Variants in ASAP1 observed in about 807,000 individuals in gnomAD.
ASAP1 encodes the protein ArfGAP with SH3 domain, ankyrin repeat and PH domain 1.
A neutral mutation model predicts 145.2 loss-of-function variants in ASAP1; 43 were observed. The observed-to-expected ratio is 0.30, with a 90% CI of 0.23 to 0.38. ASAP1 has a LOEUF of 0.38. Among genes scored for constraint, ASAP1 ranks in the 10% least tolerant of loss-of-function variants. The pLI is 1.00. For missense variants in ASAP1, 1,018 were observed against 1,355.3 expected, an observed-to-expected ratio of 0.75 and a Z score of 3.91; for synonymous variants, 546 against 515.5, an observed-to-expected ratio of 1.06 and a Z score of -0.80.
intron 5 of ASAP1, among the ~76,000 whole-genome samples, chr8:130,192,175 T>C (rs1163605648): frequency 6.6e-6 from 1 of 152,060 alleles, no homozygotes; most frequent in African/African-American, 2.4e-5. Context: ...AGAGTCTACA[T>C]TCTGTGAGGC....
At chr8:130,271,432 T>C (rs72724421) in intron 3 of ASAP1, among the ~76,000 whole-genome samples, 5,290 of 152,322 alleles carry the variant, frequency 0.035, 125 homozygotes, top group Middle Eastern at 0.065. Context: ...TATATACCTT[T>C]TACATAGTTT....
intron 11 of ASAP1, among the ~76,000 whole-genome samples, chr8:130,165,546 C>T (rs913246039): frequency 1.3e-5 from 2 of 152,212 alleles, no homozygotes; most frequent in African/African-American, 2.4e-5. Flanking sequence ...CTGAAGTCTA[C>T]TGGGGGTCTA....
chr8:130,356,643 A>G (rs1826327157), intron 3 of ASAP1, among the ~76,000 whole-genome samples: 1 of 152,170 alleles, frequency 6.6e-6, no homozygotes, highest in South Asian at 2.1e-4. Context: ...CCATCACCCA[A>G]TACTGACTCC....
rs577779690 is a variant in ASAP1 at position 130,248,547 on chromosome 8, C to T, written c.187-11553G>A. Among the ~76,000 whole-genome samples the T allele has an allele frequency of 5.4e-4, 82 of 152,112 alleles. 2 individuals carry two copies. In the South Asian group the frequency reaches 0.017, roughly 31 times the overall value. ...GGAGACTGGATTGTATTCTGGAGGC[C>T]GTAGTTTGGCCAAGATGGAGCCTCT... On this transcript the variant is annotated intron_variant, in intron 3 of 29. Transcript: ENST00000518721.
chr8:130,139,246 T>A (rs76531876), intron 13 of ASAP1, among the ~76,000 whole-genome samples: 12,427 of 152,166 alleles, frequency 0.082, 539 homozygotes, highest in African/African-American at 0.092. Flanking sequence ...TCTTCAAGTA[T>A]ATGAAGGTTG....
chr8:130,093,844 C>T (rs1043499242), intron 24 of ASAP1, among the ~76,000 whole-genome samples: 4 of 151,856 alleles, frequency 2.6e-5, no homozygotes, highest in Admixed American at 6.6e-5. Flanking sequence ...GTAAGCTTTC[C>T]TATTTCCCAT....
intron 14 of ASAP1, among the ~76,000 whole-genome samples, chr8:130,135,051 A>G (rs1022952352): frequency 1.3e-5 from 2 of 152,162 alleles, no homozygotes; most frequent in Non-Finnish European, 2.9e-5. Context: ...TAACTTGGAT[A>G]CTTTGGGCTG....
At chr8:130,281,197 TA>T (rs1478226132) in intron 3 of ASAP1, among the ~76,000 whole-genome samples, 1 of 152,164 alleles carries the variant, frequency 6.6e-6, no homozygotes, top group East Asian at 1.9e-4. Context: ...AAATGATATG[TA>T]CCCCCTCACA....
At chr8:130,322,072 A>G (rs1824040640) in intron 3 of ASAP1, among the ~76,000 whole-genome samples, 1 of 152,254 alleles carries the variant, frequency 6.6e-6, no homozygotes, top group African/African-American at 2.4e-5. Context: ...CTGTGCTGCC[A>G]CGGTTCTTCA....
intron 27 of ASAP1, among the ~76,000 whole-genome samples, chr8:130,065,007 T>C (rs541465644): frequency 6.6e-6 from 1 of 151,950 alleles, no homozygotes; most frequent in East Asian, 1.9e-4. Context: ...CCCAAGCAGC[T>C]AGGACTACAG....
intron 2 of ASAP1, chr8:130,360,937 G>A (rs958970716): frequency 6.6e-6 from 1 of 152,356 alleles, no homozygotes; most frequent in African/African-American, 2.4e-5. Context: ...AACAAATATG[G>A]CCCATGCTAG....
intron 15 of ASAP1, among the ~76,000 whole-genome samples, chr8:130,128,414 A>C (rs1376721159): frequency 7.2e-5 from 11 of 152,100 alleles, no homozygotes; most frequent in Non-Finnish European, 1.6e-4. Flanking sequence ...GGGCATACTG[A>C]ATAAAGGGAA....
In ASAP1 at chr8:130,288,851, T is replaced by C. The variant is rs533445500; in HGVS notation, c.187-51857A>G. 1.0e-3 allele frequency among the ~76,000 whole-genome samples: 152 copies of C among 152,342 alleles called. 1 individual carries two copies. In the South Asian group the frequency reaches 0.017, roughly 17 times the overall value. On this transcript the variant is annotated intron_variant, in intron 3 of 29. Coordinates refer to ENST00000518721, the MANE Select transcript of ASAP1 (RefSeq NM_018482.4). ...TGATGGGAGATGGTTAAGCAAATTA[T>C]GATAAATTCACAGAATGAAACTGTG...
At chr8:130,222,916 T>C (rs1565106341) in intron 4 of ASAP1, among the ~76,000 whole-genome samples, 1 of 152,130 alleles carries the variant, frequency 6.6e-6, no homozygotes, top group Non-Finnish European at 1.5e-5. Context: ...AGAAGTCTTT[T>C]AACTTTAGCC....
At chr8:130,192,124 A>T (rs900189258) in intron 5 of ASAP1, among the ~76,000 whole-genome samples, 1 of 152,138 alleles carries the variant, frequency 6.6e-6, no homozygotes, top group African/African-American at 2.4e-5. Context: ...CAACAATCAC[A>T]CACCAACAGA....
chr8:130,359,212 C>CT lies in ASAP1; in HGVS notation c.60-1070dup, dbSNP rs532399535. 7.6e-3 allele frequency among the ~76,000 whole-genome samples: 1,132 copies of CT among 149,378 alleles called. 16 individuals carry two copies. The highest frequency in any genetic ancestry group is 0.026 in the African/African-American group (1,060 of 40,906). ...ATAATTTTCTAATCTTTCATTTGCACTTTTTTTTTTAACTTGCAGGAAAGC... is the reference window on the plus strand; with the variant it reads ...ATAATTTTCTAATCTTTCATTTGCACTTTTTTTTTTTAACTTGCAGGAAAGC... On this transcript the variant is annotated intron_variant, in intron 2 of 29. Transcript: ENST00000518721.
At chr8:130,194,130 T>C (rs940118502) in intron 5 of ASAP1, among the ~76,000 whole-genome samples, 3 of 152,192 alleles carry the variant, frequency 2.0e-5, no homozygotes, top group East Asian at 3.8e-4. Flanking sequence ...AAACATGTTA[T>C]TATGAATTCA....
intron 29 of ASAP1, among the ~76,000 whole-genome samples, chr8:130,055,535 T>TAA (rs5895033): frequency 0.032 from 3,910 of 121,518 alleles, 73 homozygotes; most frequent in Middle Eastern, 0.056. Context: ...TTCTAGCCAG[T>TAA]AAAAAAAAAA....
At chr8:130,147,588 A>C (rs754235729) in intron 13 of ASAP1, among the ~76,000 whole-genome samples, 7 of 152,238 alleles carry the variant, frequency 4.6e-5, no homozygotes, top group Non-Finnish European at 8.8e-5. Context: ...TAAATGCATC[A>C]TCTTATTTAA....
Sources: gnomAD v4.1 joint callset for allele counts (sites outside exome capture counted in the v4.1 genomes callset) on GRCh38, gnomAD v4.1.1 for gene constraint, MANE v1.5 for transcripts, NCBI Gene and HGNC (gene_info 2026-07-23, HGNC 2026-07-21) for gene names.